Variants in GEN1 observed in about 807,000 individuals in gnomAD.
GEN1 encodes GEN1 structure-specific endonuclease.
GEN1 carries 64 observed loss-of-function variants against 67.6 expected under a neutral mutation model. The ratio of observed to expected loss-of-function variants is 0.95; its 90% confidence interval spans 0.77 to 1.17. The LOEUF is 1.17. Among genes scored for constraint, GEN1 ranks in the 50% most tolerant of loss-of-function variants. GEN1 has a pLI of 0.00. For missense variants in GEN1, 1,058 were observed against 1,048.3 expected (o/e 1.01, Z -0.13); for synonymous variants, 371 against 359.4 (o/e 1.03, Z -0.37).
At position 17,778,144 on chromosome 2, in the gene GEN1, A is replaced by ATG. The variant is rs1225232058; in HGVS notation, c.1264+82_1264+83insGT. On this transcript the variant is annotated intron_variant, in intron 12 of 13. Transcript: ENST00000381254. Reference sequence around the variant, plus strand: ...TAGTAAATATTGTATATGTGTATATATATATATATACACACACACATAGAT... The same window carrying ATG: ...TAGTAAATATTGTATATGTGTATATATGTATATATATACACACACACATAGAT... The ATG allele has an allele frequency of 8.6e-6, 5 of 582,606 alleles. No homozygotes were observed. The African/African-American group carries it at 1.2e-4, about 14-fold the overall frequency. The allele number at this position is 582,606 out of a possible 1,614,324, so 36.1% of individuals were successfully genotyped here.
chr2:17,780,669 G>A lies in GEN1; in HGVS notation c.1457G>A (p.Ser486Asn). ...TTGCCAGAACCAGATGAAGTAATGA[G>A]CTTTCAGTCACACATGACTTTAAAA... Reference protein sequence around the residue: ...NNLPEPDEVMSFQSHMTLKPT... With the variant: ...NNLPEPDEVMNFQSHMTLKPT... Residue 486 changes from serine (S) to asparagine (N), a missense_variant, in exon 14 of 14, where the codon AGC becomes AAC. By Grantham distance (46) the Ser-to-Asn change is conservative. Transcript: ENST00000381254. 1 of 1,611,382 alleles carries A rather than the reference G, an allele frequency of 6.2e-7. No individual in the cohort carries two copies. Among genetic ancestry groups the A allele is most frequent in the Non-Finnish European group, 8.5e-7 (1 of 1,178,720 alleles).
At chr2:17,763,271 G>T (rs556511696) in intron 3 of GEN1, among the ~76,000 whole-genome samples, 6 of 152,204 alleles carry the variant, frequency 3.9e-5, no homozygotes, top group African/African-American at 1.4e-4. Flanking sequence ...AGCAGTTGAA[G>T]AAAATATCTG....
Position 17,783,292 on chromosome 2 carries a change from C to T in GEN1, c.*1353C>T, listed in dbSNP as rs1672931117. On this transcript the variant is annotated 3_prime_UTR_variant, in exon 14 of 14. Transcript: ENST00000381254. Reference sequence around the variant, plus strand: ...CAGGCTAGTCATGAACTCCTGGCCTCAAGCGATCCACCCATCTTGGCCTCC... The same window carrying T: ...CAGGCTAGTCATGAACTCCTGGCCTTAAGCGATCCACCCATCTTGGCCTCC... The T allele has an allele frequency of 6.6e-6, 1 of 152,266 alleles. No homozygotes were observed. Among genetic ancestry groups the T allele is most frequent in the South Asian group, 2.1e-4 (1 of 4,822 alleles). The allele number at this position is 152,266 out of a possible 1,614,324, so 9.4% of individuals were successfully genotyped here. A position where few individuals can be genotyped will look rare whatever the true frequency, so the allele number is the denominator to read the frequency against.
rs561982182 is a variant in GEN1 at position 17,760,450 on chromosome 2, T to G, written c.161+346T>G. Among the ~76,000 whole-genome samples, 11 of 152,280 alleles carry G rather than the reference T, an allele frequency of 7.2e-5. No individual in the cohort carries two copies. The East Asian group carries it at 1.4e-3, about 19-fold the overall frequency. On this transcript the variant is annotated intron_variant, in intron 2 of 13. Transcript: ENST00000381254. ...GCCAGTTCTACCTCCAAAATATACT[T>G]TGTGTTCACAAACTTATCTCAGTGT...
At chr2:17,767,718 GGTA>G (rs1671998400) in intron 5 of GEN1, among the ~76,000 whole-genome samples, 1 of 152,102 alleles carries the variant, frequency 6.6e-6, no homozygotes, top group East Asian at 1.9e-4. Flanking sequence ...TAGCTACAGT[GGTA>G]TTTAAATTAT....
intron 5 of GEN1, among the ~76,000 whole-genome samples, chr2:17,767,716 G>A (rs1455326419): frequency 6.6e-6 from 1 of 152,170 alleles, no homozygotes; most frequent in East Asian, 1.9e-4. Context: ...TTTAGCTACA[G>A]TGGTATTTAA....
chr2:17,758,365 A>G, intron 1 of GEN1, among the ~76,000 whole-genome samples: 1 of 152,220 alleles, frequency 6.6e-6, no homozygotes, highest in East Asian at 1.9e-4. Context: ...CACAAAGGAA[A>G]GCAAAACTGT....
rs1310732259 is a variant in GEN1, at chr2:17,787,458, GTCT to G, written c.*5523_*5525del. 3 of 152,198 alleles carry G rather than the reference GTCT, an allele frequency of 2.0e-5. No homozygotes were observed. Among genetic ancestry groups the G allele is most frequent in the African/African-American group, 4.8e-5 (2 of 41,446 alleles). The allele number at this position is 152,198 out of a possible 1,614,324, so 9.4% of individuals were successfully genotyped here. On this transcript the variant is annotated 3_prime_UTR_variant, in exon 14 of 14. Transcript: ENST00000381254. Reference sequence around the variant, plus strand: ...TGTAAACGTGGTCTTCTCTAAGAAAGTCTTCTGTTGCTTCTCTGGATCGCTGCT... The same window carrying G: ...TGTAAACGTGGTCTTCTCTAAGAAAGTCTGTTGCTTCTCTGGATCGCTGCT...
chr2:17,761,638 C>A, intron 3 of GEN1, 56 bp downstream of exon 3: 2 of 1,200,498 alleles, frequency 1.7e-6, no homozygotes, highest in Non-Finnish European at 2.4e-6. Context: ...GTGCATTTTA[C>A]TCTTAATAGT....
Position 17,786,084 on chromosome 2 carries a change from T to C in GEN1, c.*4145T>C, listed in dbSNP as rs1673051547. On this transcript the variant is annotated 3_prime_UTR_variant, in exon 14 of 14. Coordinates refer to ENST00000381254, the MANE Select transcript of GEN1 (RefSeq NM_001130009.3). ...CATTTTCTAACTTTTCTGAGACTCA[T>C]TTATTCAAATGTTTATGTGACAGGC... The C allele has an allele frequency of 6.6e-6, 1 of 152,216 alleles. No individual in the cohort carries two copies. The highest frequency in any genetic ancestry group is 1.5e-5 in the Non-Finnish European group (1 of 68,030). 9.4% of individuals were successfully genotyped at this position (152,216 alleles called of 1,614,324 possible).
At chr2:17,773,862 T>G (rs1465484986) in intron 10 of GEN1, among the ~76,000 whole-genome samples, 1 of 152,118 alleles carries the variant, frequency 6.6e-6, no homozygotes, top group Non-Finnish European at 1.5e-5. Context: ...CTGTAAGTAA[T>G]GACAGCCACA....
intron 5 of GEN1, among the ~76,000 whole-genome samples, 183 bp downstream of exon 5, chr2:17,766,872 C>T (rs183276987): frequency 2.4e-4 from 36 of 152,278 alleles, no homozygotes; most frequent in African/African-American, 8.7e-4. Context: ...AAAAAGCTGA[C>T]TTGTGACACT....
At chr2:17,774,611 T>A (rs1043658155) in intron 11 of GEN1, 6 of 262,406 alleles carry the variant, frequency 2.3e-5, no homozygotes, top group African/African-American at 1.1e-4. Context: ...AATAATAGAT[T>A]ATAAAAAGAA....
intron 1 of GEN1, among the ~76,000 whole-genome samples, chr2:17,758,817 G>T (rs73921074): frequency 0.013 from 2,017 of 151,028 alleles, 25 homozygotes; most frequent in African/African-American, 0.032. Context: ...TCTCGCCACT[G>T]CGCTCCAGCC....
chr2:17,783,296 C>T lies in GEN1; in HGVS notation c.*1357C>T, dbSNP rs143231911. On this transcript the variant is annotated 3_prime_UTR_variant, in exon 14 of 14. Coordinates refer to ENST00000381254, the MANE Select transcript of GEN1 (RefSeq NM_001130009.3). Reference sequence around the variant, plus strand: ...CTAGTCATGAACTCCTGGCCTCAAGCGATCCACCCATCTTGGCCTCCCAGA... The same window carrying T: ...CTAGTCATGAACTCCTGGCCTCAAGTGATCCACCCATCTTGGCCTCCCAGA... 2.0e-4 allele frequency: 31 copies of T among 152,312 alleles called. No homozygotes were observed. In the East Asian group the frequency reaches 5.0e-3, roughly 25 times the overall value. 9.4% of individuals were successfully genotyped at this position (152,312 alleles called of 1,614,324 possible).
chr2:17,780,598 A>T (rs900222248), intron 13 of GEN1, 23 bp from the exon 14 acceptor site: 1 of 1,378,096 alleles, frequency 7.3e-7, no homozygotes, highest in African/African-American at 1.4e-5. Context: ...AATGTTGATT[A>T]TATGTATTTT....
intron 7 of GEN1, among the ~76,000 whole-genome samples, chr2:17,772,266 A>G (rs1292358763): frequency 6.6e-6 from 1 of 152,040 alleles, no homozygotes; most frequent in Non-Finnish European, 1.5e-5. Context: ...CTATTAAGTA[A>G]ATAATCTTTT....
At position 17,781,890 on chromosome 2, in the gene GEN1, G is replaced by A; in HGVS notation, c.2678G>A (p.Ser893Asn). The change falls in exon 14 of 14, where the codon AGC becomes AAC. Residue 893 changes from serine (S) to asparagine (N), a missense_variant. Coordinates refer to ENST00000381254, the MANE Select transcript of GEN1 (RefSeq NM_001130009.3). Reference sequence around the variant, plus strand: ...AACAACTCTGGTACTTGTTTGGATAGCCCTCTTCCTTTACGCCAGAGATTA... The same window carrying A: ...AACAACTCTGGTACTTGTTTGGATAACCCTCTTCCTTTACGCCAGAGATTA... ...KENNSGTCLD[S>N]PLPLRQRLKL... 1 of 1,580,158 alleles carries A rather than the reference G, an allele frequency of 6.3e-7. No individual in the cohort carries two copies. Among genetic ancestry groups the A allele is most frequent in the Non-Finnish European group, 8.5e-7 (1 of 1,169,734 alleles).
chr2:17,773,111 T>A lies in GEN1; in HGVS notation c.969T>A (p.Cys323Ter), dbSNP rs1205211499. The A allele has an allele frequency of 6.3e-7, 1 of 1,583,614 alleles. No homozygotes were observed. Residue 323 changes from cysteine (C) to a stop codon, truncating the protein, a stop_gained, in exon 9 of 14, where the codon TGT becomes TGA. Coordinates refer to ENST00000381254, the MANE Select transcript of GEN1 (RefSeq NM_001130009.3). LOFTEE classifies it high-confidence loss of function. The stretch of plus-strand genomic sequence containing the variant: ...TTTTTTTCAGGAAAGCTTGCTGTTG[T>A]GAGGGATTCCCATTCCATGAGGTAA... ...ENNIKKKACC[C>*]EGFPFHEVIQ...
Sources: gnomAD v4.1 joint callset for allele counts (sites outside exome capture counted in the v4.1 genomes callset) on GRCh38, gnomAD v4.1.1 for gene constraint, MANE v1.5 for transcripts, NCBI Gene and HGNC (gene_info 2026-07-23, HGNC 2026-07-21) for gene names.